The following KCNQ2 variants were observed in gnomAD, a reference collection of about 807,000 sequenced individuals.
KCNQ2 encodes the protein potassium voltage-gated channel subfamily Q member 2, also known as potassium voltage-gated channel subfamily KQT member 2.
Under a neutral mutation model 84.8 loss-of-function variants are expected in KCNQ2, and 14 were observed. The ratio of observed to expected loss-of-function variants is 0.17; its 90% CI spans 0.11 to 0.26. The LOEUF is 0.26. Ranked by LOEUF, KCNQ2 falls within the 10% of genes least tolerant of loss-of-function variation. The pLI is 1.00. For missense variants in KCNQ2, 788 were observed against 1,254.0 expected, an observed-to-expected ratio of 0.63 and a Z score of 5.61; for synonymous variants, 599 against 554.1, an observed-to-expected ratio of 1.08 and a Z score of -1.14.
rs989514839 is a variant in KCNQ2 at position 63,464,367 on chromosome 20, T to C, written c.296+7801A>G. ...CCCCGAGGCCTCGGGGCAGGTACCT[T>C]AGCCTCACCCACCCCAGCCCCTCAC... On this transcript the variant is annotated intron_variant, in intron 1 of 16. Transcript: ENST00000359125. Among the ~76,000 whole-genome samples the C allele has an allele frequency of 2.0e-5, 3 of 151,652 alleles. No homozygotes were observed. The South Asian group carries it at 6.2e-4, about 32-fold the overall frequency.
intron 1 of KCNQ2, among the ~76,000 whole-genome samples, chr20:63,459,706 G>A (rs1434807444): frequency 2.6e-5 from 4 of 152,096 alleles, no homozygotes; most frequent in African/African-American, 7.2e-5. Context: ...TGAATTACTC[G>A]CTTTAAAATG....
chr20:63,406,684 C>A lies in KCNQ2; in HGVS notation c.2579G>T (p.Gly860Val), dbSNP rs1191474963. 3 of 1,604,402 alleles carry A rather than the reference C, an allele frequency of 1.9e-6. No homozygotes were observed. The highest frequency in any genetic ancestry group is 1.1e-5 in the South Asian group (1 of 90,352). ...GPPPRSATGE[G>V]PFGDVGWAGP... is the part of the protein sequence containing the mutation. ...GGCCCAGCCCACGTCACCAAAGGGA[C>A]CCTCGCCGGTGGCCGAGCGTGGCGG... The change falls in exon 17 of 17, where the codon GGT becomes GTT. Residue 860 changes from glycine (G) to valine (V), a missense_variant. Physicochemically the swap from Gly to Val is moderately radical, Grantham distance 109 (BLOSUM62 -3). Coordinates refer to ENST00000359125, the MANE Select transcript of KCNQ2 (RefSeq NM_172107.4).
chr20:63,448,250 G>C (rs930298155), intron 1 of KCNQ2: 2 of 152,270 alleles, frequency 1.3e-5, no homozygotes, highest in Admixed American at 6.5e-5. Flanking sequence ...GGTGTTCTGG[G>C]ATGTGAAGGG....
Position 63,413,565 on chromosome 20 carries a change from C to G in KCNQ2, c.1648G>C (p.Val550Leu), listed in dbSNP as rs1375676594. 2 of 1,611,732 alleles carry G rather than the reference C, an allele frequency of 1.2e-6. No individual in the cohort carries two copies. The highest frequency in any genetic ancestry group is 1.7e-6 in the Non-Finnish European group (2 of 1,178,716). ...CTCTCCTTGAACTTCCGCTTGGACA[C>G]CAGGAACCGCATGACACTGCAGGGG... ...IRAVCVMRFL[V>L]SKRKFKESLR... Residue 550 changes from valine (V) to leucine (L), a missense_variant, in exon 15 of 17, where the codon GTG (valine) becomes CTG (leucine). Val to Leu is a conservative substitution (Grantham distance 32). Around this residue, in one of 8 missense-constraint regions of KCNQ2, gnomAD observed 15 missense variants for 69.1 expected, o/e 0.22. Transcript: ENST00000359125.
rs908525865 is a variant in KCNQ2, at chr20:63,425,445, C to T, written c.1218-1239G>A. Among the ~76,000 whole-genome samples the T allele has an allele frequency of 6.6e-6, 1 of 152,194 alleles. No homozygotes were observed. Among genetic ancestry groups the T allele is most frequent in the African/African-American group, 2.4e-5 (1 of 41,432 alleles). ...ATCGAAATCCCATCCGTTGGCCAGGCACAGTGGCTCACACCTGTAATCCCA... is the reference window on the plus strand; with the variant it reads ...ATCGAAATCCCATCCGTTGGCCAGGTACAGTGGCTCACACCTGTAATCCCA... On this transcript the variant is annotated intron_variant, in intron 10 of 16. Transcript: ENST00000359125. This position sits in a 1 kb window ranked among gnomAD's most constrained non-coding sequence, Gnocchi z 5.5.
rs574774458 is a variant in KCNQ2, at chr20:63,407,253, G to A, written c.2010C>T (p.Tyr670=). The change falls in exon 17 of 17, where the codon TAC becomes TAT. Residue 670 remains tyrosine (Y), a synonymous_variant. Transcript: ENST00000359125. The surrounding 1 kb of genome is among the most constrained non-coding windows in gnomAD (Gnocchi z 7.2). The part of the protein sequence containing the change: ...GAKEPEPAPP[Y]HSPEDSREHV... ...GCTCCCGGCTGTCTTCCGGGCTGTG[G>A]TACGGCGGCGCCGGCTCCGGCTCTT... 8 of 1,599,706 alleles carry A rather than the reference G, an allele frequency of 5.0e-6. No individual in the cohort carries two copies. The highest frequency in any genetic ancestry group is 3.3e-5 in the Admixed American group (2 of 59,974).
chr20:63,435,688 A>G (rs2145692568), intron 7 of KCNQ2, among the ~76,000 whole-genome samples: 1 of 152,362 alleles, frequency 6.6e-6, no homozygotes, highest in South Asian at 2.1e-4. Context: ...CTTATCAGGA[A>G]TGCAGCAATT....
rs568599502 is a variant in KCNQ2, at chr20:63,428,251, G to A, written c.1217+116C>T. On this transcript the variant is annotated intron_variant, in intron 10 of 16. Transcript: ENST00000359125. ...CCATCACCAAGTCCAGCGTCCCCGC[G>A]CGTCCCAGCTCCCTGGAGTCCCTGG... The A allele has an allele frequency of 2.2e-4, 171 of 768,392 alleles. No individual in the cohort carries two copies. In the African/African-American group the frequency reaches 2.3e-3, roughly 10 times the overall value. 47.6% of individuals were successfully genotyped at this position (768,392 alleles called of 1,614,324 possible). A position where few individuals can be genotyped will look rare whatever the true frequency, so the allele number is the denominator to read the frequency against.
chr20:63,436,464 G>A (rs1333664664), intron 7 of KCNQ2, among the ~76,000 whole-genome samples: 1 of 151,834 alleles, frequency 6.6e-6, no homozygotes, highest in Admixed American at 6.6e-5. Context: ...CAGGGAGGTG[G>A]AGCTTGCAGT....
chr20:63,442,668 CCACCA>C, intron 4 of KCNQ2, 137 bp from the exon 5 acceptor site: 2 of 481,526 alleles, frequency 4.2e-6, no homozygotes, highest in Non-Finnish European at 7.0e-6. Flanking sequence ...ACCATCACCA[CCACCA>C]CCACCACCAC....
intron 1 of KCNQ2, among the ~76,000 whole-genome samples, chr20:63,462,175 G>C (rs77035918): frequency 1.7e-4 from 19 of 112,486 alleles, no homozygotes; most frequent in Non-Finnish European, 2.1e-4. Flanking sequence ...CTACCCCAGG[G>C]AGCAGGGAGG....
intron 12 of KCNQ2, among the ~76,000 whole-genome samples, chr20:63,416,533 G>A (rs1418192406): frequency 6.6e-6 from 1 of 152,186 alleles, no homozygotes; most frequent in Non-Finnish European, 1.5e-5. Context: ...TAGCAGCCAC[G>A]GAACTTCTCA....
chr20:63,442,973 A>T lies in KCNQ2; in HGVS notation c.691-442T>A, dbSNP rs1420867639. 9.9e-4 allele frequency among the ~76,000 whole-genome samples: 115 copies of T among 115,966 alleles called. 1 individual carries two copies. The highest frequency in any genetic ancestry group is 1.3e-3 in the Non-Finnish European group (73 of 55,652). 76.1% of individuals were successfully genotyped at this position (115,966 alleles called of 152,430 possible). ...CATCATCACCATCACCACCACCACC[A>T]CCATCACCACCATTACCATCACCAT... On this transcript the variant is annotated intron_variant, in intron 4 of 16. Coordinates refer to ENST00000359125, the MANE Select transcript of KCNQ2 (RefSeq NM_172107.4).
chr20:63,467,552 C>T (rs183974597), intron 1 of KCNQ2, among the ~76,000 whole-genome samples: 1,640 of 150,696 alleles, frequency 0.011, 22 homozygotes, highest in African/African-American at 0.038. Context: ...AGGGCAGAGG[C>T]TAGCCCCGTG....
Position 63,403,348 on chromosome 20 carries a change from G to A in KCNQ2, c.*3296C>T, listed in dbSNP as rs1048369814. The A allele has an allele frequency of 1.3e-5, 2 of 152,468 alleles. No individual in the cohort carries two copies. The highest frequency in any genetic ancestry group is 1.9e-4 in the East Asian group (1 of 5,190). The allele number at this position is 152,468 out of a possible 1,614,324, so 9.4% of individuals were successfully genotyped here. Reference sequence around the variant, plus strand: ...TACACTCAGCAGGGTCAAAGAGAAAGACCAGAGACAGAAGGGCTCCAAGGC... The same window carrying A: ...TACACTCAGCAGGGTCAAAGAGAAAAACCAGAGACAGAAGGGCTCCAAGGC... On this transcript the variant is annotated 3_prime_UTR_variant, in exon 17 of 17. Coordinates refer to ENST00000359125, the MANE Select transcript of KCNQ2 (RefSeq NM_172107.4).
intron 5 of KCNQ2, among the ~76,000 whole-genome samples, chr20:63,440,935 ATTTCG>A (rs2081143850): frequency 6.6e-6 from 1 of 150,850 alleles, no homozygotes; most frequent in African/African-American, 2.4e-5. Flanking sequence ...CCTCTACACA[ATTTCG>A]TTACCAAAGG....
intron 1 of KCNQ2, among the ~76,000 whole-genome samples, chr20:63,465,708 C>T (rs1029247388): frequency 6.6e-6 from 1 of 152,226 alleles, no homozygotes; most frequent in African/African-American, 2.4e-5. Context: ...GCCCACCCTA[C>T]CCAGGACGCG....
intron 1 of KCNQ2, chr20:63,463,955 A>C (rs2082019319): frequency 6.6e-6 from 1 of 152,048 alleles, no homozygotes; most frequent in South Asian, 2.1e-4. Flanking sequence ...GAGATGATTC[A>C]GGGATGGGAG....
At chr20:63,443,418 C>CCAT (rs2081312675) in intron 4 of KCNQ2, among the ~76,000 whole-genome samples, 2 of 42,694 alleles carry the variant, frequency 4.7e-5, no homozygotes, top group South Asian at 9.5e-4. Flanking sequence ...ATCACCATCA[C>CCAT]CACCATCATC....
Sources: allele counts gnomAD v4.1 joint callset (sites outside exome capture counted in the v4.1 genomes callset), GRCh38; gene constraint gnomAD v4.1.1; regional missense constraint gnomAD v4.1.1; non-coding constraint Gnocchi (gnomAD v3.1); transcripts MANE v1.5; gene names NCBI Gene and HGNC (gene_info 2026-07-23, HGNC 2026-07-21).